Variants in PTPRK observed in about 807,000 individuals in gnomAD.
PTPRK encodes receptor-type tyrosine-protein phosphatase kappa.
PTPRK carries 75 observed loss-of-function variants against 178.0 expected under a neutral mutation model. That is an observed-to-expected ratio of 0.42 (90% confidence interval 0.35 to 0.51). The LOEUF (loss-of-function observed/expected upper bound fraction) is 0.51, where lower values mean the gene tolerates loss of function less well. PTPRK is among the 20% of genes least tolerant of loss of function. The pLI is 0.02. For synonymous variants in PTPRK, 637 were observed against 620.6 expected (o/e 1.03, Z -0.39); for missense variants, 1,441 against 1,797.8 (o/e 0.80, Z 3.59).
chr6:128,289,924 C>T (rs1823099051), intron 3 of PTPRK, among the ~76,000 whole-genome samples: 1 of 152,028 alleles, frequency 6.6e-6, no homozygotes, highest in African/African-American at 2.4e-5. Context: ...GCATAAATGT[C>T]ATGTGGCAAA....
chr6:128,066,827 G>A (rs555430927), intron 12 of PTPRK, among the ~76,000 whole-genome samples: 124 of 152,230 alleles, frequency 8.1e-4, no homozygotes, highest in African/African-American at 2.8e-3. Context: ...ACTGCCGGTC[G>A]TTTCTAATGT....
At chr6:128,147,688 C>T (rs1247528560) in intron 7 of PTPRK, among the ~76,000 whole-genome samples, 5 of 152,062 alleles carry the variant, frequency 3.3e-5, no homozygotes, top group Non-Finnish European at 7.4e-5. Flanking sequence ...AACTCTATCA[C>T]ACAAGTACAT....
intron 2 of PTPRK, among the ~76,000 whole-genome samples, chr6:128,397,225 G>A (rs1255205736): frequency 6.6e-5 from 10 of 152,132 alleles, no homozygotes; most frequent in Middle Eastern, 3.4e-3. Flanking sequence ...GAATAACTAC[G>A]AAAAGAGCTG....
intron 25 of PTPRK, among the ~76,000 whole-genome samples, chr6:127,979,408 C>T (rs1774997446): frequency 6.6e-6 from 1 of 152,224 alleles, no homozygotes; most frequent in Non-Finnish European, 1.5e-5. Flanking sequence ...TTTTCTTGTT[C>T]ACACATCCTT....
At chr6:128,335,564 A>T (rs1186094493) in intron 2 of PTPRK, among the ~76,000 whole-genome samples, 1 of 152,056 alleles carries the variant, frequency 6.6e-6, no homozygotes, top group Admixed American at 6.6e-5. Flanking sequence ...TGAGAAGATG[A>T]AAGAAAAGAG....
At position 128,244,462 on chromosome 6, in the gene PTPRK, G is replaced by A. The variant is rs576414081; in HGVS notation, c.496-1860C>T. Among the ~76,000 whole-genome samples, 10 of 152,266 alleles carry A rather than the reference G, an allele frequency of 6.6e-5. No homozygotes were observed. The South Asian group carries it at 1.9e-3, about 28-fold the overall frequency. ...CACCAGCGGATATAAAGCCAACATC[G>A]AATGGTTAAGAAAGAAAGGGTGGTG... On this transcript the variant is annotated intron_variant, in intron 3 of 29. Coordinates refer to ENST00000368226, the MANE Select transcript of PTPRK (RefSeq NM_002844.4).
At chr6:128,452,013 ATACTT>A (rs1206619159) in intron 1 of PTPRK, among the ~76,000 whole-genome samples, 1 of 152,216 alleles carries the variant, frequency 6.6e-6, no homozygotes, top group African/African-American at 2.4e-5. Flanking sequence ...CAAGATAAAT[ATACTT>A]TATTTTTGCC....
At chr6:128,328,870 C>T (rs562925028) in intron 2 of PTPRK, among the ~76,000 whole-genome samples, 3 of 152,192 alleles carry the variant, frequency 2.0e-5, no homozygotes, top group Admixed American at 1.3e-4. Flanking sequence ...CATTGTTTTA[C>T]TTTTTACAAA....
chr6:128,286,236 G>A (rs1434649178), intron 3 of PTPRK, among the ~76,000 whole-genome samples: 1 of 151,962 alleles, frequency 6.6e-6, no homozygotes, highest in Non-Finnish European at 1.5e-5. Context: ...CTCTGCTTGG[G>A]GTTCATTGTG....
chr6:128,126,862 G>C (rs906011901), intron 7 of PTPRK, among the ~76,000 whole-genome samples: 3 of 152,102 alleles, frequency 2.0e-5, no homozygotes, highest in Admixed American at 2.0e-4. Context: ...GCTTAATTTT[G>C]TATGAAATGT....
intron 7 of PTPRK, among the ~76,000 whole-genome samples, chr6:128,117,593 C>A (rs1296621781): frequency 6.6e-6 from 1 of 152,092 alleles, no homozygotes; most frequent in East Asian, 1.9e-4. Context: ...TCATTTTTAT[C>A]AATTAAGATT....
At chr6:128,351,419 G>C (rs548716555) in intron 2 of PTPRK, among the ~76,000 whole-genome samples, 1 of 152,242 alleles carries the variant, frequency 6.6e-6, no homozygotes, top group South Asian at 2.1e-4. Flanking sequence ...ACATTTGATA[G>C]ATAACTGAAA....
At chr6:128,095,531 C>G (rs1434729948) in intron 7 of PTPRK, among the ~76,000 whole-genome samples, 1 of 152,112 alleles carries the variant, frequency 6.6e-6, no homozygotes, top group East Asian at 1.9e-4. Context: ...TTGGCCCAAC[C>G]AGAAACAGAA....
At chr6:128,027,869 G>A (rs1163278604) in intron 13 of PTPRK, 1 of 152,322 alleles carries the variant, frequency 6.6e-6, no homozygotes, top group Admixed American at 6.5e-5. Context: ...TGGGATTACA[G>A]GCATAAGCCA....
At chr6:128,134,332 A>C (rs1174970104) in intron 7 of PTPRK, among the ~76,000 whole-genome samples, 1 of 152,130 alleles carries the variant, frequency 6.6e-6, no homozygotes, top group Admixed American at 6.5e-5. Flanking sequence ...TTCTAGAGAG[A>C]TTTGTTAAAC....
At chr6:127,985,672 T>TAA (rs750314481) in intron 22 of PTPRK, 49 bp downstream of exon 22, 12 of 1,515,988 alleles carry the variant, frequency 7.9e-6, no homozygotes, top group Non-Finnish European at 1.1e-5. Context: ...CTTGATACTC[T>TAA]AAAAAAAGCT....
chr6:128,488,247 G>A (rs1466118555), intron 1 of PTPRK, among the ~76,000 whole-genome samples: 5 of 152,214 alleles, frequency 3.3e-5, no homozygotes, highest in Non-Finnish European at 7.3e-5. Context: ...AGAAAATTCA[G>A]CAACTCTGTT....
chr6:128,066,164 T>C lies in PTPRK; in HGVS notation c.2157+1355A>G, dbSNP rs921389559. On this transcript the variant is annotated intron_variant, in intron 12 of 29. Transcript: ENST00000368226. ...CTATGCTTCCTACTCAATGCTATAT[T>C]ATACCCAGAATGGACTAATAACTTC... Among the ~76,000 whole-genome samples the C allele has an allele frequency of 3.9e-5, 6 of 152,316 alleles. No individual in the cohort carries two copies. The South Asian group carries it at 1.2e-3, about 32-fold the overall frequency.
At chr6:128,036,916 CA>C (rs1010962029) in intron 13 of PTPRK, among the ~76,000 whole-genome samples, 12 of 152,088 alleles carry the variant, frequency 7.9e-5, no homozygotes, top group African/African-American at 2.9e-4. Context: ...ATCTTTAGTA[CA>C]GATAGGGTTT....
Sources: allele counts gnomAD v4.1 joint callset (sites outside exome capture counted in the v4.1 genomes callset), GRCh38; gene constraint gnomAD v4.1.1; transcripts MANE v1.5; gene names NCBI Gene and HGNC (gene_info 2026-07-23, HGNC 2026-07-21).